The following DOCK2 variants were observed in gnomAD, a reference collection of about 807,000 sequenced individuals.
The protein encoded by DOCK2 is dedicator of cytokinesis 2, also known as dedicator of cytokinesis protein 2.
In DOCK2, 87 loss-of-function variants were observed where a neutral mutation model predicts 248.9. That is an observed-to-expected ratio of 0.35 (90% CI 0.29 to 0.42). The LOEUF (loss-of-function observed/expected upper bound fraction) is 0.42. Ranked by LOEUF, DOCK2 falls within the 10% of genes least tolerant of loss-of-function variation. The pLI is 1.00. For synonymous variants in DOCK2, 805 were observed against 821.6 expected (o/e 0.98, Z 0.35); for missense variants, 1,747 against 2,300.2 (o/e 0.76, Z 4.92).
At chr5:169,873,788 C>G in intron 27 of DOCK2, among the ~76,000 whole-genome samples, 1 of 152,156 alleles carries the variant, frequency 6.6e-6, no homozygotes. Context: ...ATCGCTTAAC[C>G]AAGAAGGAAA....
chr5:170,027,811 C>T, intron 33 of DOCK2, 52 bp from the exon 34 acceptor site: 2 of 1,531,986 alleles, frequency 1.3e-6, no homozygotes, highest in Admixed American at 1.7e-5. Flanking sequence ...TGACTAATTT[C>T]AGCCCTCAGC....
intron 2 of DOCK2, 29 bp downstream of exon 2, chr5:169,654,515 T>C: frequency 3.7e-6 from 6 of 1,612,726 alleles, no homozygotes; most frequent in Non-Finnish European, 5.1e-6. Context: ...CCCCAAGTGC[T>C]GGACCCTTGG....
At chr5:170,052,203 T>C (rs1334125681) in intron 41 of DOCK2, among the ~76,000 whole-genome samples, 1 of 152,248 alleles carries the variant, frequency 6.6e-6, no homozygotes, top group Non-Finnish European at 1.5e-5. Flanking sequence ...TATTCATCTG[T>C]AACCTTTTCA....
At chr5:169,783,803 A>C (rs1765838450) in intron 25 of DOCK2, among the ~76,000 whole-genome samples, 1 of 152,240 alleles carries the variant, frequency 6.6e-6, no homozygotes, top group Non-Finnish European at 1.5e-5. Flanking sequence ...ACAGATGGAT[A>C]AACCTGCTTA....
At chr5:169,699,791 G>T (rs150406317) in intron 12 of DOCK2, among the ~76,000 whole-genome samples, 22 of 152,328 alleles carry the variant, frequency 1.4e-4, no homozygotes, top group African/African-American at 5.3e-4. Flanking sequence ...GCTTAGAGAA[G>T]TGGGATAATT....
intron 14 of DOCK2, among the ~76,000 whole-genome samples, chr5:169,706,715 T>C (rs917624247): frequency 3.3e-5 from 5 of 152,266 alleles, no homozygotes; most frequent in Non-Finnish European, 7.3e-5. Flanking sequence ...TTGTTTTTCT[T>C]TTAAAGATAC....
At chr5:169,927,539 T>G (rs1662271450) in intron 27 of DOCK2, among the ~76,000 whole-genome samples, 1 of 151,898 alleles carries the variant, frequency 6.6e-6, no homozygotes, top group Non-Finnish European at 1.5e-5. Flanking sequence ...ACTGATGGAG[T>G]GTAGGGTTAA....
At chr5:169,699,305 C>A in intron 11 of DOCK2, 77 bp from the exon 12 acceptor site, 1 of 1,446,904 alleles carries the variant, frequency 6.9e-7, no homozygotes, top group Non-Finnish European at 9.6e-7. Context: ...TGTGGAGGGG[C>A]TGGGGAGATT....
chr5:170,076,348 A>G (rs1757839667), intron 47 of DOCK2, among the ~76,000 whole-genome samples: 1 of 152,234 alleles, frequency 6.6e-6, no homozygotes, highest in Non-Finnish European at 1.5e-5. Flanking sequence ...AATGAAAGCT[A>G]CACTGATGCA....
At chr5:169,996,274 CTCTCCAGGGAT>C in intron 30 of DOCK2, 110 bp downstream of exon 30, 1 of 1,143,164 alleles carries the variant, frequency 8.7e-7, no homozygotes, top group Non-Finnish European at 1.2e-6. Context: ...CTGTCCCAGT[CTCTCCAGGGAT>C]TCCCACGGGG....
intron 6 of DOCK2, among the ~76,000 whole-genome samples, chr5:169,681,113 CTTTTTTTTTTTTTTT>C (rs764614478): frequency 4.2e-5 from 4 of 94,200 alleles, no homozygotes; most frequent in South Asian, 4.7e-4. Flanking sequence ...TTTAGTAGAC[CTTTTTTTTTTTTTTT>C]TTTTTTTTTT....
At chr5:169,665,826 T>C (rs979138113) in intron 2 of DOCK2, among the ~76,000 whole-genome samples, 31 of 152,196 alleles carry the variant, frequency 2.0e-4, no homozygotes, top group African/African-American at 7.0e-4. Flanking sequence ...CCTTGGATTC[T>C]TTTTTGATGT....
intron 24 of DOCK2, among the ~76,000 whole-genome samples, chr5:169,760,022 G>A (rs948174188): frequency 6.6e-6 from 1 of 152,092 alleles, no homozygotes; most frequent in Non-Finnish European, 1.5e-5. Flanking sequence ...AATCATATAG[G>A]TTAAAAAAAA....
chr5:169,756,218 C>A (rs889601910), intron 23 of DOCK2, among the ~76,000 whole-genome samples: 4 of 152,236 alleles, frequency 2.6e-5, no homozygotes, highest in African/African-American at 9.6e-5. Flanking sequence ...GCCTGTGCAG[C>A]TGCCTGCTAA....
At chr5:170,038,117 G>C (rs1025013617) in intron 36 of DOCK2, among the ~76,000 whole-genome samples, 9 of 152,230 alleles carry the variant, frequency 5.9e-5, no homozygotes, top group Admixed American at 4.6e-4. Context: ...CTCGGTCCTT[G>C]CCTCACTTTT....
At chr5:169,684,616 T>C (rs1581030218) in intron 8 of DOCK2, among the ~76,000 whole-genome samples, 1 of 152,324 alleles carries the variant, frequency 6.6e-6, no homozygotes. Context: ...AATAACAAGA[T>C]TCAGACAAGT....
chr5:170,014,428 G>C (rs1755432224), intron 32 of DOCK2, among the ~76,000 whole-genome samples: 1 of 152,022 alleles, frequency 6.6e-6, no homozygotes, highest in Non-Finnish European at 1.5e-5. Flanking sequence ...ATATTCTAAA[G>C]TGTTATACTA....
Position 169,955,865 on chromosome 5 carries a change from G to A in DOCK2, c.2800-27203G>A, listed in dbSNP as rs539254427. Among the ~76,000 whole-genome samples the A allele has an allele frequency of 6.6e-5, 10 of 152,268 alleles. No homozygotes were observed. In the South Asian group the frequency reaches 1.9e-3, roughly 28 times the overall value. On this transcript the variant is annotated intron_variant, in intron 27 of 51. Coordinates refer to ENST00000520908, the MANE Select transcript of DOCK2 (RefSeq NM_004946.3). ...CCTTTTCATGTCTCATGGTCAAGGT[G>A]GCCTTGCCTGAAACTAAGACATGGC... is the stretch of plus-strand genomic sequence containing the variant.
chr5:169,743,508 G>A (rs1763441481), intron 22 of DOCK2, among the ~76,000 whole-genome samples: 1 of 152,154 alleles, frequency 6.6e-6, no homozygotes, highest in Admixed American at 6.5e-5. Flanking sequence ...ACTTAACGCT[G>A]ATTAAATGCC....
Sources: gnomAD v4.1 joint callset for allele counts (sites outside exome capture counted in the v4.1 genomes callset) on GRCh38, gnomAD v4.1.1 for gene constraint, MANE v1.5 for transcripts, NCBI Gene and HGNC (gene_info 2026-07-23, HGNC 2026-07-21) for gene names.